The following PJVK variants were observed in gnomAD, a reference collection of about 807,000 sequenced individuals.
PJVK encodes the protein pejvakin.
Under a neutral mutation model 37.6 loss-of-function variants are expected in PJVK, and 33 were observed. The ratio of observed to expected loss-of-function variants is 0.88; its 90% CI spans 0.67 to 1.17. The LOEUF (loss-of-function observed/expected upper bound fraction) is 1.17. PJVK is among the 50% of genes most tolerant of loss of function. The pLI, the probability that PJVK is intolerant of heterozygous loss-of-function variation, is 0.00. For synonymous variants in PJVK, 141 were observed against 143.5 expected, an observed-to-expected ratio of 0.98 and a Z score of 0.13; for missense variants, 410 against 413.8, an observed-to-expected ratio of 0.99 and a Z score of 0.08.
chr2:178,453,629 A>C lies in PJVK; in HGVS notation c.211+9A>C, dbSNP rs762473643. The C allele has an allele frequency of 8.1e-6, 13 of 1,606,416 alleles. No homozygotes were observed. The highest frequency in any genetic ancestry group is 1.7e-5 in the Admixed American group (1 of 59,360). On this transcript the variant is annotated intron_variant, in intron 2 of 6. Transcript: ENST00000644580. ...CAGAGAAATTTCAGCTGGTAAGTTTAAATGTTTGGGAGTGCCAACTCATTC... is the reference window on the plus strand; with the variant it reads ...CAGAGAAATTTCAGCTGGTAAGTTTCAATGTTTGGGAGTGCCAACTCATTC...
chr2:178,456,185 A>T (rs754165217), intron 4 of PJVK, 34 bp downstream of exon 4: 4 of 1,609,200 alleles, frequency 2.5e-6, no homozygotes, highest in Non-Finnish European at 8.5e-7. Context: ...CTTACTAACT[A>T]AAGTGTTGCC....
chr2:178,452,503 A>T lies in PJVK; in HGVS notation c.-23+734A>T, dbSNP rs1002126191. 5.1e-6 allele frequency: 5 copies of T among 985,258 alleles called. No homozygotes were observed. The African/African-American group carries it at 8.7e-5, about 17-fold the overall frequency. The allele number at this position is 985,258 out of a possible 1,614,324, so 61.0% of individuals were successfully genotyped here. On this transcript the variant is annotated intron_variant, in intron 1 of 6. Transcript: ENST00000644580. ...TAATGGATATCTTATTGGAAGGGCT[A>T]CATAGTCAGTATTTCACAATATATG...
At position 178,458,578 on chromosome 2, in the gene PJVK, C is replaced by T. The variant is rs1469250985; in HGVS notation, c.618C>T (p.Thr206=). Residue 206 remains threonine (T), a synonymous_variant, in exon 5 of 7, where the codon ACC becomes ACT. Transcript: ENST00000644580. The stretch of plus-strand genomic sequence containing the variant: ...CTATTGTTTTCCCAGCACATACAAC[C>T]ATAGCTTTCAGTGTTTTTGAACTCT... ...DKAIVFPAHT[T]IAFSVFELFI... 6.2e-7 allele frequency: 1 copy of T among 1,614,086 alleles called. No homozygotes were observed. The highest frequency in any genetic ancestry group is 8.5e-7 in the Non-Finnish European group (1 of 1,180,000).
rs1285422762 is a variant in PJVK at position 178,461,332 on chromosome 2, C to T, written c.*58C>T. ...AGGTGCAGTTGTGCCACAAACCTTC[C>T]CTAAATTATCTAGGTTTGCTTTGAT... On this transcript the variant is annotated 3_prime_UTR_variant, in exon 7 of 7. Coordinates refer to ENST00000644580, the MANE Select transcript of PJVK (RefSeq NM_001042702.5). 14 of 1,582,846 alleles carry T rather than the reference C, an allele frequency of 8.8e-6. No homozygotes were observed. The Admixed American group carries it at 2.3e-4, about 26-fold the overall frequency.
At chr2:178,453,878 G>T in intron 2 of PJVK, 1 of 409,104 alleles carries the variant, frequency 2.4e-6, no homozygotes, top group Non-Finnish European at 4.7e-6. Context: ...CTTAGAATAT[G>T]ACATATTTCT....
At chr2:178,452,207 C>G in intron 1 of PJVK, 1 of 754,048 alleles carries the variant, frequency 1.3e-6, no homozygotes, top group Non-Finnish European at 1.6e-6. Context: ...GCAGGAGAAT[C>G]GCTTGAACCC....
At position 178,461,028 on chromosome 2, in the gene PJVK, T is replaced by G; in HGVS notation, c.813T>G (p.Asp271Glu). 1 of 1,614,126 alleles carries G rather than the reference T, an allele frequency of 6.2e-7. No individual in the cohort carries two copies. The highest frequency in any genetic ancestry group is 8.5e-7 in the Non-Finnish European group (1 of 1,180,028). Residue 271 changes from aspartate (D) to glutamate (E), a missense_variant, in exon 7 of 7, where the codon GAT (aspartate) becomes GAG (glutamate). Asp to Glu is a conservative substitution (Grantham distance 45). Transcript: ENST00000644580. ...DVISRSQLYL[D>E]DLFSDYYDKP... The stretch of plus-strand genomic sequence containing the variant: ...TTTCTCGTTCACAGCTTTACTTGGA[T>G]GATCTTTTTTCTGACTACTATGACA...
chr2:178,455,928 T>G, intron 3 of PJVK, 82 bp from the exon 4 acceptor site: 7 of 1,507,514 alleles, frequency 4.6e-6, no homozygotes, highest in Non-Finnish European at 6.4e-6. Context: ...TATGAATGAA[T>G]AACACATGAT....
intron 4 of PJVK, 136 bp downstream of exon 4, chr2:178,456,287 C>A: frequency 9.2e-7 from 1 of 1,088,674 alleles, no homozygotes. Flanking sequence ...TAGGATTTTG[C>A]ACAGCAATGT....
rs758461256 is a variant in PJVK, at chr2:178,454,416, A to C, written c.296A>C (p.Asp99Ala). Reference sequence around the variant, plus strand: ...AGGCGAGGTAACCATATTGTAAATGACGTTGGGATTAACGTTGCTGGATCA... The same window carrying C: ...AGGCGAGGTAACCATATTGTAAATGCCGTTGGGATTAACGTTGCTGGATCA... ...YGRRGNHIVN[D>A]VGINVAGSDS... The change falls in exon 3 of 7, where the codon GAC becomes GCC. Residue 99 changes from aspartate (D) to alanine (A), a missense_variant. Transcript: ENST00000644580. 1 of 1,614,034 alleles carries C rather than the reference A, an allele frequency of 6.2e-7. No individual in the cohort carries two copies. The highest frequency in any genetic ancestry group is 8.5e-7 in the Non-Finnish European group (1 of 1,179,964).
intron 4 of PJVK, among the ~76,000 whole-genome samples, chr2:178,457,839 A>G (rs1684229623): frequency 6.6e-6 from 1 of 152,170 alleles, no homozygotes; most frequent in Non-Finnish European, 1.5e-5. Context: ...AGCCTGGGTG[A>G]CAGAGAGAGA....
intron 2 of PJVK, 56 bp from the exon 3 acceptor site, chr2:178,454,276 A>G (rs975948513): frequency 1.2e-5 from 17 of 1,455,738 alleles, no homozygotes; most frequent in Non-Finnish European, 1.6e-5. Context: ...ATGTTACTAT[A>G]TATAATCTAC....
chr2:178,453,920 A>G, intron 2 of PJVK: 1 of 368,800 alleles, frequency 2.7e-6, no homozygotes, highest in African/African-American at 2.1e-5. Context: ...ATTTGGGCTT[A>G]CCTATGTTAC....
chr2:178,456,820 T>C (rs1267223804), intron 4 of PJVK, among the ~76,000 whole-genome samples: 1 of 151,966 alleles, frequency 6.6e-6, no homozygotes, highest in Non-Finnish European at 1.5e-5. Flanking sequence ...TGTAACATAA[T>C]GCAAAAACAG....
chr2:178,455,153 G>T, intron 3 of PJVK: 3 of 1,601,174 alleles, frequency 1.9e-6, no homozygotes, highest in Non-Finnish European at 2.6e-6. Flanking sequence ...CGGCAAGGTG[G>T]TGACTGTGCA....
Position 178,451,713 on chromosome 2 carries a change from C to T in PJVK, c.-79C>T, listed in dbSNP as rs927645775. 9 of 958,994 alleles carry T rather than the reference C, an allele frequency of 9.4e-6. No homozygotes were observed. The highest frequency in any genetic ancestry group is 1.1e-3 in the Middle Eastern group (2 of 1,878). 59.4% of individuals were successfully genotyped at this position (958,994 alleles called of 1,614,324 possible). On this transcript the variant is annotated 5_prime_UTR_variant, in exon 1 of 7. Transcript: ENST00000644580. Reference sequence around the variant, plus strand: ...CGGGGACGTCCAAACACCCGCTCCTCTCCCGCCGGGCGGGCTCCTTTGTCT... The same window carrying T: ...CGGGGACGTCCAAACACCCGCTCCTTTCCCGCCGGGCGGGCTCCTTTGTCT...
chr2:178,460,930 T>C, intron 6 of PJVK, 52 bp from the exon 7 acceptor site: 1 of 1,545,030 alleles, frequency 6.5e-7, no homozygotes, highest in Non-Finnish European at 8.9e-7. Flanking sequence ...TTGCATTATG[T>C]ATTTTTCATT....
chr2:178,456,986 TG>T (rs1299083050), intron 4 of PJVK, among the ~76,000 whole-genome samples: 2 of 152,232 alleles, frequency 1.3e-5, no homozygotes, highest in Non-Finnish European at 2.9e-5. Context: ...ATTTTTTTTT[TG>T]AGACGGAGTC....
chr2:178,453,665 T>C, intron 2 of PJVK, 45 bp downstream of exon 2: 1 of 1,515,866 alleles, frequency 6.6e-7, no homozygotes, highest in Middle Eastern at 2.0e-4. Context: ...ATCTGTATTA[T>C]TGGCAACCTA....
Sources: gnomAD v4.1 joint callset for allele counts (sites outside exome capture counted in the v4.1 genomes callset) on GRCh38, gnomAD v4.1.1 for gene constraint, MANE v1.5 for transcripts, NCBI Gene and HGNC (gene_info 2026-07-23, HGNC 2026-07-21) for gene names.